Variants in COLEC10 observed in about 807,000 individuals in gnomAD.
The protein encoded by COLEC10 is collectin-10.
A neutral mutation model predicts 28.4 loss-of-function variants in COLEC10; 22 were observed. The ratio of observed to expected loss-of-function variants is 0.78; its 90% confidence interval spans 0.55 to 1.11. The LOEUF (loss-of-function observed/expected upper bound fraction) is 1.11, where lower values mean the gene tolerates loss of function less well. Among genes scored for constraint, COLEC10 ranks in the 50% least tolerant of loss-of-function variants. The pLI is 0.00. For synonymous variants in COLEC10, 125 were observed against 116.1 expected, an observed-to-expected ratio of 1.08 and a Z score of -0.49; for missense variants, 361 against 344.1, an observed-to-expected ratio of 1.05 and a Z score of -0.39.
chr8:119,079,056 T>C (rs1043896240), intron 1 of COLEC10, among the ~76,000 whole-genome samples: 2 of 150,300 alleles, frequency 1.3e-5, no homozygotes, highest in Admixed American at 6.6e-5. Flanking sequence ...AACCAGGATG[T>C]TGCAAATCTG....
intron 3 of COLEC10, among the ~76,000 whole-genome samples, chr8:119,096,932 A>C (rs900719582): frequency 6.6e-6 from 1 of 152,070 alleles, no homozygotes; most frequent in Non-Finnish European, 1.5e-5. Context: ...GCTTCACTAT[A>C]CCATGGAAAT....
chr8:119,043,185 A>G (rs947007232), intron 2 of COLEC10, among the ~76,000 whole-genome samples: 1 of 152,202 alleles, frequency 6.6e-6, no homozygotes, highest in African/African-American at 2.4e-5. Context: ...TTTATGATGA[A>G]TTCTGTTTCT....
the COLEC10 span, among the ~76,000 whole-genome samples, chr8:118,952,843 C>T: frequency 3.3e-5 from 5 of 152,192 alleles, no homozygotes; most frequent in African/African-American, 1.2e-4. Context: ...ATTCCCTGGT[C>T]TAGAAGTTAG....
At chr8:119,033,245 CT>C (rs33978868) in intron 2 of COLEC10, among the ~76,000 whole-genome samples, 88,555 of 151,832 alleles carry the variant, frequency 0.58, 26,508 homozygotes, top group African/African-American at 0.72. Flanking sequence ...TAGTAATTCA[CT>C]TTCTTCAGAT....
At chr8:119,051,136 G>A (rs930206989) in intron 2 of COLEC10, among the ~76,000 whole-genome samples, 2 of 151,860 alleles carry the variant, frequency 1.3e-5, no homozygotes, top group African/African-American at 4.8e-5. Flanking sequence ...AAAAAAAAAT[G>A]GACATGAAAG....
At chr8:119,009,931 C>A (rs1813875027) in intron 2 of COLEC10, among the ~76,000 whole-genome samples, 1 of 150,668 alleles carries the variant, frequency 6.6e-6, no homozygotes, top group African/African-American at 2.5e-5. Context: ...TCCTGTCGAA[C>A]TTCTGCCCCC....
At chr8:118,983,893 A>T in the COLEC10 span, among the ~76,000 whole-genome samples, 1 of 152,308 alleles carries the variant, frequency 6.6e-6, no homozygotes, top group South Asian at 2.1e-4. Context: ...GTGGGAATGT[A>T]AATTAGTTCA....
At chr8:119,059,317 C>G (rs959625465) in intron 2 of COLEC10, among the ~76,000 whole-genome samples, 22 of 151,688 alleles carry the variant, frequency 1.5e-4, no homozygotes, top group African/African-American at 5.1e-4. Flanking sequence ...ATGTTTTTTT[C>G]AAGAAGTTTT....
upstream of COLEC10, among the ~76,000 whole-genome samples, chr8:118,994,567 A>G (rs933123689): frequency 6.6e-6 from 1 of 152,184 alleles, no homozygotes; most frequent in Non-Finnish European, 1.5e-5. Context: ...ACAAGGAAAC[A>G]AAGTCGGCCA....
the COLEC10 span, among the ~76,000 whole-genome samples, chr8:118,977,785 A>T: frequency 0.031 from 4,731 of 151,096 alleles, 144 homozygotes; most frequent in East Asian, 0.16. Context: ...TCAACTAAAA[A>T]AAATATATAT....
At chr8:118,961,818 C>G in the COLEC10 span, among the ~76,000 whole-genome samples, 1 of 152,128 alleles carries the variant, frequency 6.6e-6, no homozygotes, top group Non-Finnish European at 1.5e-5. Flanking sequence ...CTTAGAAAGA[C>G]CTTAAGATTT....
At position 119,106,450 on chromosome 8, in the gene COLEC10, T is replaced by C; in HGVS notation, c.*259T>C. The C allele has an allele frequency of 2.8e-6, 1 of 360,294 alleles. No individual in the cohort carries two copies. Among genetic ancestry groups the C allele is most frequent in the Non-Finnish European group, 5.2e-6 (1 of 193,356 alleles). The allele number at this position is 360,294 out of a possible 1,614,324, so 22.3% of individuals were successfully genotyped here. ...TTTTAATTACTAATTGTGCACGAGA[T>C]AGTTGGTTGTCTATATGTCAAATGA... On this transcript the variant is annotated 3_prime_UTR_variant, in exon 6 of 6. Transcript: ENST00000332843.
intron 2 of COLEC10, among the ~76,000 whole-genome samples, chr8:119,049,217 G>A (rs1424845182): frequency 3.3e-5 from 5 of 151,856 alleles, no homozygotes; most frequent in Admixed American, 1.3e-4. Flanking sequence ...CTATCCTAAC[G>A]GGTTTCCCTC....
chr8:118,960,802 A>G, the COLEC10 span, among the ~76,000 whole-genome samples: 2 of 151,394 alleles, frequency 1.3e-5, no homozygotes, highest in Non-Finnish European at 2.9e-5. Flanking sequence ...AAAAAAAAAA[A>G]AAAAAAGATT....
At chr8:118,988,473 G>A in the COLEC10 span, among the ~76,000 whole-genome samples, 1 of 152,120 alleles carries the variant, frequency 6.6e-6, no homozygotes, top group Non-Finnish European at 1.5e-5. Context: ...AGAGGGGAAA[G>A]ACATCATCAA....
chr8:119,013,114 A>G (rs1257548833), intron 2 of COLEC10, among the ~76,000 whole-genome samples: 1 of 149,910 alleles, frequency 6.7e-6, no homozygotes, highest in Non-Finnish European at 1.5e-5. Context: ...TTTTCCTTCT[A>G]AGCACTGCTT....
chr8:119,079,498 C>T (rs1563737159), intron 1 of COLEC10, among the ~76,000 whole-genome samples: 3 of 151,994 alleles, frequency 2.0e-5, no homozygotes, highest in Admixed American at 1.3e-4. Context: ...TTTCTATGGG[C>T]CTGACTGAGA....
chr8:119,067,688 A>C (rs919802197), intron 1 of COLEC10: 4 of 374,706 alleles, frequency 1.1e-5, no homozygotes, highest in Non-Finnish European at 1.5e-5. Context: ...GGCAGGGGGA[A>C]ATTCCCTGTT....
At chr8:119,049,917 T>C (rs1167912199) in intron 2 of COLEC10, among the ~76,000 whole-genome samples, 1 of 152,206 alleles carries the variant, frequency 6.6e-6, no homozygotes, top group Non-Finnish European at 1.5e-5. Flanking sequence ...GAATACAGTA[T>C]TGCTATGGCT....
Sources: allele counts gnomAD v4.1 joint callset (sites outside exome capture counted in the v4.1 genomes callset), GRCh38; gene constraint gnomAD v4.1.1; transcripts MANE v1.5; gene names NCBI Gene and HGNC (gene_info 2026-07-23, HGNC 2026-07-21).